The following AK5 variants were observed in gnomAD, a reference collection of about 807,000 sequenced individuals.
AK5 encodes the protein adenylate kinase isoenzyme 5.
AK5 carries 27 observed loss-of-function variants against 69.5 expected under a neutral mutation model. The observed-to-expected ratio is 0.39, with a 90% CI of 0.29 to 0.54. The LOEUF (loss-of-function observed/expected upper bound fraction) is 0.54. AK5 is among the 20% of genes least tolerant of loss of function. The probability of loss-of-function intolerance (pLI) is 0.71; values close to 1 mark genes in which losing one functional copy is unlikely to be tolerated. For missense variants in AK5, 531 were observed against 700.4 expected, an observed-to-expected ratio of 0.76 and a Z score of 2.73; for synonymous variants, 260 against 244.4, an observed-to-expected ratio of 1.06 and a Z score of -0.60.
intron 13 of AK5, among the ~76,000 whole-genome samples, chr1:77,542,150 A>C (rs2100374078): frequency 6.6e-6 from 1 of 152,054 alleles, no homozygotes; most frequent in East Asian, 1.9e-4. Context: ...AACATGGCAA[A>C]TGTCTCTACT....
rs1167211 is a variant in AK5, at chr1:77,293,600, G to A, written c.248-193G>A. On this transcript the variant is annotated intron_variant, in intron 2 of 13. Transcript: ENST00000354567. ...TGGCCAAGTTGAATAGAAACTGCAC[G>A]GCTCTCAAAGCCCAAAATATTGACT... 3,852 of 454,458 alleles carry A rather than the reference G, an allele frequency of 8.5e-3. 139 individuals are homozygous for A. Among genetic ancestry groups the A allele is most frequent in the African/African-American group, 0.072 (3,521 of 48,816 alleles). The allele number at this position is 454,458 out of a possible 1,614,324, so 28.2% of individuals were successfully genotyped here.
At chr1:77,352,377 A>G (rs1662257600) in intron 6 of AK5, among the ~76,000 whole-genome samples, 1 of 152,232 alleles carries the variant, frequency 6.6e-6, no homozygotes, top group African/African-American at 2.4e-5. Flanking sequence ...AATGAAAGAA[A>G]CAGAGGCCCA....
chr1:77,497,433 C>A (rs1656407910), intron 10 of AK5, among the ~76,000 whole-genome samples: 1 of 152,204 alleles, frequency 6.6e-6, no homozygotes, highest in Admixed American at 6.5e-5. Context: ...ACACCATCTT[C>A]ATGAACTGTA....
intron 8 of AK5, among the ~76,000 whole-genome samples, chr1:77,464,067 T>C (rs187588573): frequency 1.1e-3 from 162 of 151,430 alleles, no homozygotes; most frequent in Non-Finnish European, 1.8e-3. Context: ...AATTCTGACA[T>C]AGGACAGAGT....
At chr1:77,415,346 C>T (rs777755904) in intron 7 of AK5, among the ~76,000 whole-genome samples, 15 of 152,200 alleles carry the variant, frequency 9.9e-5, no homozygotes, top group Admixed American at 3.3e-4. Context: ...AAGTAGGACA[C>T]GGGTACTAAA....
chr1:77,451,560 G>A (rs1200398545), intron 8 of AK5, among the ~76,000 whole-genome samples: 3 of 152,258 alleles, frequency 2.0e-5, no homozygotes, highest in South Asian at 2.1e-4. Flanking sequence ...GAGTAAATAA[G>A]GACCAAAGCG....
intron 10 of AK5, among the ~76,000 whole-genome samples, chr1:77,499,966 G>A (rs2100255853): frequency 7.8e-6 from 1 of 127,958 alleles, no homozygotes; most frequent in East Asian, 2.6e-4. Flanking sequence ...TATGTCTTTA[G>A]AATGAATGAA....
At chr1:77,429,737 G>A (rs1347417998) in intron 8 of AK5, among the ~76,000 whole-genome samples, 1 of 152,182 alleles carries the variant, frequency 6.6e-6, no homozygotes, top group East Asian at 1.9e-4. Flanking sequence ...GGGATTACAG[G>A]CGTGAGCCAC....
intron 11 of AK5, among the ~76,000 whole-genome samples, chr1:77,521,386 G>A (rs1038124394): frequency 2.0e-5 from 3 of 152,010 alleles, no homozygotes; most frequent in Non-Finnish European, 2.9e-5. Context: ...CACGCACCTC[G>A]GCCTCTCAAC....
chr1:77,381,389 T>G (rs1420723027), intron 6 of AK5, among the ~76,000 whole-genome samples: 1 of 152,224 alleles, frequency 6.6e-6, no homozygotes. Context: ...TGATATTTTG[T>G]TATACCCAAT....
chr1:77,368,245 A>ATATATATATATATATGTTTTATATAT (rs376578923), intron 6 of AK5, among the ~76,000 whole-genome samples: 1 of 67,906 alleles, frequency 1.5e-5, no homozygotes, highest in Non-Finnish European at 2.9e-5. Flanking sequence ...ATATATATAT[A>ATATATATATATATATGTTTTATATAT]TATATATAAT....
intron 13 of AK5, among the ~76,000 whole-genome samples, chr1:77,541,054 CCACCACCA>C (rs1444086268): frequency 6.6e-6 from 1 of 152,028 alleles, no homozygotes; most frequent in Non-Finnish European, 1.5e-5. Context: ...TTACAGGCAC[CCACCACCA>C]CACCCAGCTA....
chr1:77,408,827 T>C (rs1057023932), intron 6 of AK5, among the ~76,000 whole-genome samples: 1 of 152,186 alleles, frequency 6.6e-6, no homozygotes, highest in Non-Finnish European at 1.5e-5. Flanking sequence ...ACATATGTCA[T>C]TGGGGTTTGT....
rs751232412 is a variant in AK5, at chr1:77,286,932, A to G, written c.61-9A>G. The G allele has an allele frequency of 7.2e-6, 10 of 1,386,388 alleles. No homozygotes were observed. In the East Asian group the frequency reaches 1.3e-4, roughly 19 times the overall value. 85.9% of individuals were successfully genotyped at this position (1,386,388 alleles called of 1,614,324 possible). A position where few individuals can be genotyped will look rare whatever the true frequency, so the allele number is the denominator to read the frequency against. On this transcript the variant is annotated splice_polypyrimidine_tract_variant and intron_variant, in intron 1 of 13. Coordinates refer to ENST00000354567, the MANE Select transcript of AK5 (RefSeq NM_174858.3). ...ATATTTTATTTGTACATATTTTGTT[A>G]TATTTCAGAGCCTTTTGAATGGACT...
intron 8 of AK5, among the ~76,000 whole-genome samples, chr1:77,462,363 G>A (rs531008046): frequency 3.7e-4 from 57 of 152,158 alleles, no homozygotes; most frequent in Admixed American, 1.3e-3. Context: ...ATAGGCAGAT[G>A]AATGGATGAT....
At chr1:77,367,360 ACT>A (rs1453370817) in intron 6 of AK5, among the ~76,000 whole-genome samples, 3 of 149,248 alleles carry the variant, frequency 2.0e-5, no homozygotes, top group Non-Finnish European at 4.4e-5. Context: ...ACAGGATCTC[ACT>A]CTGTCACCCA....
At chr1:77,537,700 G>A (rs1269691581) in intron 13 of AK5, among the ~76,000 whole-genome samples, 1 of 152,174 alleles carries the variant, frequency 6.6e-6, no homozygotes, top group African/African-American at 2.4e-5. Flanking sequence ...GATTCCTTGG[G>A]GGAAAACCAT....
rs1361938906 is a variant in AK5, at chr1:77,327,209, A to G, written c.700-13168A>G. ...CAAGACCAGCCTGGGCAAACCAGGA[A>G]GACCCTATCTCTACAAATACATAAG... is the stretch of plus-strand genomic sequence containing the variant. On this transcript the variant is annotated intron_variant, in intron 5 of 13. Transcript: ENST00000354567. Among the ~76,000 whole-genome samples the G allele has an allele frequency of 3.3e-5, 5 of 152,060 alleles. No homozygotes were observed. In the East Asian group the frequency reaches 9.6e-4, roughly 29 times the overall value.
intron 8 of AK5, among the ~76,000 whole-genome samples, chr1:77,445,262 T>G (rs956686418): frequency 6.6e-6 from 1 of 152,178 alleles, no homozygotes; most frequent in Admixed American, 6.5e-5. Flanking sequence ...TATACAAAAG[T>G]ATTCCCTTTT....
Sources: allele counts gnomAD v4.1 joint callset (sites outside exome capture counted in the v4.1 genomes callset), GRCh38; gene constraint gnomAD v4.1.1; transcripts MANE v1.5; gene names NCBI Gene and HGNC (gene_info 2026-07-23, HGNC 2026-07-21).